Variants in RNF144A observed in about 807,000 individuals in gnomAD.
RNF144A encodes the protein ring finger protein 144A.
A neutral mutation model predicts 38.7 loss-of-function variants in RNF144A; 11 were observed. The ratio of observed to expected loss-of-function variants is 0.28; its 90% CI spans 0.18 to 0.47. The LOEUF (loss-of-function observed/expected upper bound fraction) is 0.47. RNF144A is among the 20% of genes least tolerant of loss of function. RNF144A has a pLI of 0.99. For missense variants in RNF144A, 316 were observed against 377.2 expected (o/e 0.84, Z 1.34); for synonymous variants, 149 against 143.9 (o/e 1.04, Z -0.25).
intron 2 of RNF144A, among the ~76,000 whole-genome samples, chr2:6,965,470 G>C (rs908239935): frequency 1.3e-5 from 2 of 152,148 alleles, no homozygotes; most frequent in Admixed American, 6.5e-5. Flanking sequence ...TATATATTCA[G>C]GGCCTTTATG....
chr2:7,043,481 AAGG>A lies in RNF144A; in HGVS notation c.*3724_*3726del. 1.0e-6 allele frequency: 1 copy of A among 985,812 alleles called. No homozygotes were observed. The highest frequency in any genetic ancestry group is 1.2e-6 in the Non-Finnish European group (1 of 829,892). The allele number at this position is 985,812 out of a possible 1,614,324, so 61.1% of individuals were successfully genotyped here. On this transcript the variant is annotated 3_prime_UTR_variant, in exon 9 of 9. Coordinates refer to ENST00000320892, the MANE Select transcript of RNF144A (RefSeq NM_014746.6). ...ACACCTGTGTATATATATAAATCAC[AAGG>A]AGATCATCAAGGGAAAACATTTTGC... is the stretch of plus-strand genomic sequence containing the variant.
At chr2:6,935,122 A>G (rs1665485028) in intron 1 of RNF144A, among the ~76,000 whole-genome samples, 2 of 152,096 alleles carry the variant, frequency 1.3e-5, no homozygotes, top group Non-Finnish European at 2.9e-5. Flanking sequence ...TGAGCCTTCT[A>G]CAGATAACCC....
At chr2:6,942,279 C>T (rs139529182) in intron 2 of RNF144A, among the ~76,000 whole-genome samples, 6 of 148,040 alleles carry the variant, frequency 4.1e-5, no homozygotes, top group Admixed American at 2.0e-4. Flanking sequence ...TTAGAAAGGG[C>T]GGAGGACAAG....
intron 2 of RNF144A, among the ~76,000 whole-genome samples, chr2:6,964,465 A>G (rs1422063890): frequency 6.6e-6 from 1 of 152,220 alleles, no homozygotes; most frequent in Non-Finnish European, 1.5e-5. Flanking sequence ...CCATCCCATT[A>G]CTGGGTATAT....
intron 2 of RNF144A, among the ~76,000 whole-genome samples, chr2:6,949,411 T>C (rs1207570716): frequency 6.6e-6 from 1 of 151,336 alleles, no homozygotes. Flanking sequence ...TTTCCTTCTT[T>C]TTTTTTTTTT....
intron 8 of RNF144A, among the ~76,000 whole-genome samples, 181 bp downstream of exon 8, chr2:7,030,396 G>A (rs930515091): frequency 2.6e-5 from 4 of 151,824 alleles, no homozygotes; most frequent in Admixed American, 6.6e-5. Context: ...GCTGGTTTTT[G>A]CTGGTATAGG....
At chr2:6,952,367 G>A (rs1238734678) in intron 2 of RNF144A, among the ~76,000 whole-genome samples, 1 of 144,216 alleles carries the variant, frequency 6.9e-6, no homozygotes, top group Non-Finnish European at 1.5e-5. Flanking sequence ...TTCCTTAACT[G>A]CTTTTGTCTG....
At chr2:7,046,562 T>G (rs1673314355), downstream of RNF144A, among the ~76,000 whole-genome samples, 1 of 152,220 alleles carries the variant, frequency 6.6e-6, no homozygotes, top group Non-Finnish European at 1.5e-5. Context: ...TGATAAAATA[T>G]TAAGTTGCTC....
intron 2 of RNF144A, among the ~76,000 whole-genome samples, chr2:6,967,713 G>A (rs1667756959): frequency 6.6e-6 from 1 of 152,098 alleles, no homozygotes; most frequent in African/African-American, 2.4e-5. Context: ...TGTTTCCTTG[G>A]CTCAAGAAAC....
chr2:6,979,779 C>G (rs911567190), intron 2 of RNF144A, among the ~76,000 whole-genome samples: 6 of 152,206 alleles, frequency 3.9e-5, no homozygotes, highest in Non-Finnish European at 1.5e-5. Context: ...GTGCATCCCT[C>G]TTAAACCTCA....
Position 7,018,701 on chromosome 2 carries a change from A to G in RNF144A, c.302-1772A>G, listed in dbSNP as rs1671306972. On this transcript the variant is annotated intron_variant, in intron 5 of 8. Transcript: ENST00000320892. ...AATGTGGAAACTATCAACAAATAAGAGAAGAGCTAATTTTGTCCATTCATT... is the reference window on the plus strand; with the variant it reads ...AATGTGGAAACTATCAACAAATAAGGGAAGAGCTAATTTTGTCCATTCATT... Among the ~76,000 whole-genome samples, 8 of 152,356 alleles carry G rather than the reference A, an allele frequency of 5.3e-5. No homozygotes were observed. The South Asian group carries it at 1.4e-3, about 28-fold the overall frequency.
At chr2:6,928,239 C>T (rs187583643) in intron 1 of RNF144A, among the ~76,000 whole-genome samples, 1 of 152,188 alleles carries the variant, frequency 6.6e-6, no homozygotes, top group Non-Finnish European at 1.5e-5. Flanking sequence ...ACGGTTTGGG[C>T]TAGATGAATT....
chr2:7,075,188 C>A, the RNF144A span, among the ~76,000 whole-genome samples: 2 of 151,992 alleles, frequency 1.3e-5, no homozygotes, highest in African/African-American at 4.8e-5. Flanking sequence ...CCTCTTCTAC[C>A]CCACTCTCCC....
At chr2:7,022,035 A>T (rs1266900737) in intron 6 of RNF144A, among the ~76,000 whole-genome samples, 1 of 152,248 alleles carries the variant, frequency 6.6e-6, no homozygotes, top group Non-Finnish European at 1.5e-5. Context: ...CTTCTCTGGG[A>T]AATCCGAATC....
the RNF144A span, chr2:7,074,608 A>C: frequency 6.6e-6 from 1 of 152,204 alleles, no homozygotes; most frequent in African/African-American, 2.4e-5. Context: ...ATAAAGAATT[A>C]AGTTAGTTAA....
At chr2:6,977,854 A>G (rs1365569828) in intron 2 of RNF144A, among the ~76,000 whole-genome samples, 1 of 152,244 alleles carries the variant, frequency 6.6e-6, no homozygotes, top group African/African-American at 2.4e-5. Context: ...TACACAGTAG[A>G]CAGTATTAAG....
At chr2:7,069,257 C>T (rs1030853680), downstream of RNF144A, among the ~76,000 whole-genome samples, 2 of 152,228 alleles carry the variant, frequency 1.3e-5, no homozygotes, top group Non-Finnish European at 2.9e-5. Context: ...GACCGTGCCA[C>T]AGCCTCCAGT....
chr2:6,947,628 A>G (rs1057141447), intron 2 of RNF144A, among the ~76,000 whole-genome samples: 1 of 152,312 alleles, frequency 6.6e-6, no homozygotes, highest in Middle Eastern at 3.4e-3. Flanking sequence ...ATTTTCAGTG[A>G]TTTGTAGTTC....
intron 2 of RNF144A, among the ~76,000 whole-genome samples, chr2:6,945,894 C>T (rs1666313191): frequency 6.6e-6 from 1 of 152,042 alleles, no homozygotes; most frequent in Non-Finnish European, 1.5e-5. Flanking sequence ...AGAACCTGGG[C>T]CCTGGAACAG....
Sources: gnomAD v4.1 joint callset for allele counts (sites outside exome capture counted in the v4.1 genomes callset) on GRCh38, gnomAD v4.1.1 for gene constraint, MANE v1.5 for transcripts, NCBI Gene and HGNC (gene_info 2026-07-23, HGNC 2026-07-21) for gene names.